Variants in LYZL4 observed in about 807,000 individuals in gnomAD.
LYZL4 encodes lysozyme like 4.
A neutral mutation model predicts 17.6 loss-of-function variants in LYZL4; 13 were observed. The ratio of observed to expected loss-of-function variants is 0.74; its 90% CI spans 0.48 to 1.18. LYZL4 has a LOEUF of 1.18. Ranked by LOEUF, LYZL4 falls within the 50% of genes most tolerant of loss-of-function variation. LYZL4 has a pLI of 0.00. For missense variants in LYZL4, 174 were observed against 188.2 expected (o/e 0.92, Z 0.44); for synonymous variants, 64 against 67.7 (o/e 0.95, Z 0.27).
chr3:42,408,791 T>A (rs1429959400), intron 1 of LYZL4, among the ~76,000 whole-genome samples: 1 of 152,150 alleles, frequency 6.6e-6, no homozygotes, highest in Non-Finnish European at 1.5e-5. Context: ...CCTTGGCACT[T>A]GGGCTGGAAT....
the LYZL4 span, among the ~76,000 whole-genome samples, chr3:42,375,969 A>G: frequency 6.6e-6 from 1 of 152,118 alleles, no homozygotes; most frequent in African/African-American, 2.4e-5. Flanking sequence ...TATCGACAGC[A>G]CCTCACAGTG....
intron 3 of LYZL4, 76 bp from the exon 4 acceptor site, chr3:42,404,200 G>A: frequency 2.2e-6 from 2 of 892,046 alleles, no homozygotes; most frequent in Non-Finnish European, 3.6e-6. Flanking sequence ...GGAAGGTACA[G>A]GGTACTCACA....
downstream of LYZL4, among the ~76,000 whole-genome samples, chr3:42,392,845 T>C (rs751905965): frequency 5.9e-5 from 9 of 152,082 alleles, no homozygotes; most frequent in Non-Finnish European, 1.2e-4. Flanking sequence ...GGTCTTAGAA[T>C]TGAGATTTTT....
At chr3:42,364,391 G>A in the LYZL4 span, among the ~76,000 whole-genome samples, 5 of 135,410 alleles carry the variant, frequency 3.7e-5, no homozygotes, top group Admixed American at 8.4e-5. Flanking sequence ...CGCCCAGGCT[G>A]GAGTGCAGTG....
intron 4 of LYZL4, among the ~76,000 whole-genome samples, chr3:42,400,712 C>G (rs1016990613): frequency 6.6e-6 from 1 of 152,106 alleles, no homozygotes; most frequent in Admixed American, 6.5e-5. Flanking sequence ...ATATGACACT[C>G]TTTCTAGATC....
chr3:42,398,977 G>GACAC (rs1577151494), intron 4 of LYZL4, among the ~76,000 whole-genome samples: 7 of 152,088 alleles, frequency 4.6e-5, no homozygotes, highest in Admixed American at 6.5e-5. Flanking sequence ...ATTTATAAAG[G>GACAC]ACACATAAAA....
the LYZL4 span, among the ~76,000 whole-genome samples, chr3:42,380,328 A>G: frequency 1.3e-5 from 2 of 152,320 alleles, no homozygotes; most frequent in African/African-American, 4.8e-5. Flanking sequence ...GCCCAAAGTC[A>G]CATAACTGAT....
the LYZL4 span, among the ~76,000 whole-genome samples, chr3:42,391,229 T>G: frequency 6.6e-6 from 1 of 152,218 alleles, no homozygotes; most frequent in African/African-American, 2.4e-5. Flanking sequence ...ACAGGTATTT[T>G]TGTATGTGAA....
chr3:42,370,270 T>A, the LYZL4 span, among the ~76,000 whole-genome samples: 5 of 151,438 alleles, frequency 3.3e-5, no homozygotes, highest in African/African-American at 9.7e-5. Context: ...CCCACCCCCT[T>A]CCCACACAGA....
chr3:42,380,551 T>C, the LYZL4 span, among the ~76,000 whole-genome samples: 1 of 152,186 alleles, frequency 6.6e-6, no homozygotes, highest in Non-Finnish European at 1.5e-5. Context: ...GAGTGTTCTC[T>C]GTATACATAA....
intron 4 of LYZL4, among the ~76,000 whole-genome samples, chr3:42,401,769 A>C (rs1478195144): frequency 1.3e-5 from 2 of 152,216 alleles, no homozygotes; most frequent in Non-Finnish European, 2.9e-5. Context: ...AACAAACTAG[A>C]GATGGAAAGG....
the LYZL4 span, among the ~76,000 whole-genome samples, chr3:42,371,860 G>A: frequency 6.6e-6 from 1 of 152,172 alleles, no homozygotes; most frequent in Non-Finnish European, 1.5e-5. Context: ...AAGTTTCCAT[G>A]GCAAAACAGA....
chr3:42,372,169 A>G, the LYZL4 span, among the ~76,000 whole-genome samples: 1 of 152,232 alleles, frequency 6.6e-6, no homozygotes, highest in African/African-American at 2.4e-5. Context: ...GGAGAGACCC[A>G]GAGTGAAAAG....
the LYZL4 span, among the ~76,000 whole-genome samples, chr3:42,360,799 A>G: frequency 6.6e-6 from 1 of 151,970 alleles, no homozygotes; most frequent in Non-Finnish European, 1.5e-5. Flanking sequence ...TTACTCTTGG[A>G]ATATTTTTCA....
the LYZL4 span, among the ~76,000 whole-genome samples, chr3:42,374,762 T>A: frequency 6.6e-6 from 1 of 152,186 alleles, no homozygotes; most frequent in Non-Finnish European, 1.5e-5. Flanking sequence ...TACAATAAAT[T>A]AAGTTTTTCT....
chr3:42,395,415 T>C (rs2125598633), downstream of LYZL4, among the ~76,000 whole-genome samples: 1 of 152,272 alleles, frequency 6.6e-6, no homozygotes, highest in East Asian at 1.9e-4. Flanking sequence ...GACCTGGAAA[T>C]ATTAGATCAC....
At chr3:42,361,656 G>A in the LYZL4 span, among the ~76,000 whole-genome samples, 2 of 152,014 alleles carry the variant, frequency 1.3e-5, no homozygotes, top group African/African-American at 4.8e-5. Context: ...ATTGAGCCCA[G>A]GAGGTTGAAG....
the LYZL4 span, among the ~76,000 whole-genome samples, chr3:42,373,228 GAGTT>G: frequency 6.6e-6 from 1 of 152,060 alleles, no homozygotes; most frequent in African/African-American, 2.4e-5. Flanking sequence ...AACAAAAAAA[GAGTT>G]AGGATGCAAA....
intron 4 of LYZL4, among the ~76,000 whole-genome samples, chr3:42,401,917 A>T (rs192624598): frequency 1.3e-5 from 2 of 152,256 alleles, no homozygotes; most frequent in Admixed American, 6.5e-5. Context: ...TTCACTGGAG[A>T]TCCTAGCCAA....
Sources: gnomAD v4.1 joint callset for allele counts (sites outside exome capture counted in the v4.1 genomes callset) on GRCh38, gnomAD v4.1.1 for gene constraint, MANE v1.5 for transcripts, NCBI Gene and HGNC (gene_info 2026-07-23, HGNC 2026-07-21) for gene names.